Variants in MTO1 observed in about 807,000 individuals in gnomAD.
MTO1 encodes 5-taurinomethyluridine-[tRNA] synthase subunit MTO1, mitochondrial.
In MTO1, 46 loss-of-function variants were observed where a neutral mutation model predicts 71.6. The ratio of observed to expected loss-of-function variants is 0.64; its 90% CI spans 0.51 to 0.82. MTO1 has a LOEUF of 0.82. MTO1 is among the 40% of genes least tolerant of loss of function. MTO1 has a pLI of 0.00. For synonymous variants in MTO1, 297 were observed against 312.1 expected (o/e 0.95, Z 0.51); for missense variants, 773 against 867.5 (o/e 0.89, Z 1.37).
In MTO1 at chr6:73,466,209, G is replaced by C. The variant is rs1402177868; in HGVS notation, c.218G>C (p.Gly73Ala). ...TTTTGTTTATGTCTATTATCTTTAG[G>C]TCAGATGTCATGTAATCCTTCCTTT... ...LLLTHRVDTI[G>A]QMSCNPSFGG... The change falls in exon 2 of 12, where the codon GGT (glycine) becomes GCT (alanine). Residue 73 changes from glycine to alanine, a missense_variant and splice_region_variant. Physicochemically the swap from Gly to Ala is moderately conservative, Grantham distance 60. Coordinates refer to ENST00000498286, the MANE Select transcript of MTO1 (RefSeq NM_012123.4). 1 of 1,610,196 alleles carries C rather than the reference G, an allele frequency of 6.2e-7. No individual in the cohort carries two copies. Among genetic ancestry groups the C allele is most frequent in the Non-Finnish European group, 8.5e-7 (1 of 1,176,632 alleles).
At chr6:73,463,283 G>A (rs954080517) in intron 1 of MTO1, among the ~76,000 whole-genome samples, 1 of 151,516 alleles carries the variant, frequency 6.6e-6, no homozygotes, top group African/African-American at 2.4e-5. Flanking sequence ...CGCCCGCCTC[G>A]GCCTCCCAAA....
chr6:73,471,160 T>TA (rs201183644), intron 3 of MTO1, among the ~76,000 whole-genome samples: 103 of 147,926 alleles, frequency 7.0e-4, no homozygotes, highest in African/African-American at 1.7e-3. Context: ...TACCTTTTTT[T>TA]AAAAAAAAAA....
chr6:73,496,683 A>G (rs1771986378), intron 10 of MTO1, among the ~76,000 whole-genome samples: 1 of 126,492 alleles, frequency 7.9e-6, no homozygotes, highest in South Asian at 2.6e-4. Context: ...TCCTGTGTCC[A>G]TGTGTTCTCA....
At position 73,508,842 on chromosome 6, in the gene MTO1, G is replaced by A. The variant is rs1772352860; in HGVS notation, c.*8107G>A. The A allele has an allele frequency of 6.6e-6, 1 of 152,204 alleles. No homozygotes were observed. The highest frequency in any genetic ancestry group is 2.1e-4 in the South Asian group (1 of 4,834). 9.4% of individuals were successfully genotyped at this position (152,204 alleles called of 1,614,324 possible). On this transcript the variant is annotated 3_prime_UTR_variant, in exon 12 of 12. Coordinates refer to ENST00000498286, the MANE Select transcript of MTO1 (RefSeq NM_012123.4). Reference sequence around the variant, plus strand: ...GGAAGTCCAAAGAGTCAATCAAGAAGGTATGATAATGGCTAAAGATGGGGA... The same window carrying A: ...GGAAGTCCAAAGAGTCAATCAAGAAAGTATGATAATGGCTAAAGATGGGGA...
At chr6:73,462,814 G>C (rs1208306097) in intron 1 of MTO1, among the ~76,000 whole-genome samples, 1 of 151,982 alleles carries the variant, frequency 6.6e-6, no homozygotes, top group Non-Finnish European at 1.5e-5. Flanking sequence ...TTAGAGACAG[G>C]GTCTCGCCAT....
chr6:73,500,765 C>T lies in MTO1; in HGVS notation c.*30C>T. ...CAATTCATAAAAGATTTTTAAAGAGCATATAAATAATTTGATCAATACAAC... is the reference window on the plus strand; with the variant it reads ...CAATTCATAAAAGATTTTTAAAGAGTATATAAATAATTTGATCAATACAAC... On this transcript the variant is annotated 3_prime_UTR_variant, in exon 12 of 12. Transcript: ENST00000498286. 1 of 1,510,456 alleles carries T rather than the reference C, an allele frequency of 6.6e-7. No homozygotes were observed. Among genetic ancestry groups the T allele is most frequent in the Middle Eastern group, 1.8e-4 (1 of 5,714 alleles). The allele number at this position is 1,510,456 out of a possible 1,614,324, so 93.6% of individuals were successfully genotyped here.
chr6:73,467,845 C>T (rs562652132), intron 3 of MTO1, among the ~76,000 whole-genome samples: 25 of 151,954 alleles, frequency 1.6e-4, no homozygotes, highest in East Asian at 7.8e-4. Context: ...GTTTTTGAGA[C>T]GGAGTCTCAC....
At chr6:73,493,755 A>G (rs1371172056) in intron 10 of MTO1, among the ~76,000 whole-genome samples, 1 of 151,814 alleles carries the variant, frequency 6.6e-6, no homozygotes, top group Non-Finnish European at 1.5e-5. Context: ...TCCCCACCTA[A>G]TGTTTTAATA....
intron 3 of MTO1, among the ~76,000 whole-genome samples, chr6:73,469,935 G>T (rs1771101589): frequency 6.6e-6 from 1 of 151,976 alleles, no homozygotes; most frequent in Admixed American, 6.6e-5. Flanking sequence ...AACCCTGGAG[G>T]TGCGGGTTGT....
rs779445753 is a variant in MTO1, at chr6:73,497,890, A to C, written c.1911A>C (p.Pro637=). The change falls in exon 11 of 12, where the codon CCA becomes CCC. Residue 637 remains proline (P), a synonymous_variant. Coordinates refer to ENST00000498286, the MANE Select transcript of MTO1 (RefSeq NM_012123.4). ...GAGAGAAACTACATTTTAGTCGTCC[A>C]CAGACGGTAAGAAAATAGGCAGGAG... ...EVREKLHFSR[P]QTIGAASRIP... 16 of 1,607,988 alleles carry C rather than the reference A, an allele frequency of 1.0e-5. No homozygotes were observed. In the Admixed American group the frequency reaches 2.7e-4, roughly 27 times the overall value.
chr6:73,499,152 AAAAC>A (rs1772084433), intron 11 of MTO1, among the ~76,000 whole-genome samples: 1 of 152,178 alleles, frequency 6.6e-6, no homozygotes, highest in Non-Finnish European at 1.5e-5. Context: ...AAATTTGAAA[AAAAC>A]TATTTTTACA....
intron 3 of MTO1, chr6:73,471,344 C>T (rs1582675508): frequency 1.4e-5 from 5 of 363,932 alleles, no homozygotes; most frequent in East Asian, 1.1e-4. Flanking sequence ...TTTTCTCCCC[C>T]GACTTTCTTT....
chr6:73,486,730 C>CG, intron 9 of MTO1: 13 of 260,596 alleles, frequency 5.0e-5, no homozygotes, highest in East Asian at 1.3e-4. Context: ...AAGAGTGAGA[C>CG]TTCTCTCAAA....
Position 73,500,891 on chromosome 6 carries a change from C to A in MTO1, c.*156C>A. 1 of 575,956 alleles carries A rather than the reference C, an allele frequency of 1.7e-6. No individual in the cohort carries two copies. Among genetic ancestry groups the A allele is most frequent in the Non-Finnish European group, 2.6e-6 (1 of 378,202 alleles). 35.7% of individuals were successfully genotyped at this position (575,956 alleles called of 1,614,324 possible). The stretch of plus-strand genomic sequence containing the variant: ...GAGTGGGACAGAAATTATAATTGTG[C>A]TTTTTCGTGTATATGAAAAAACTAG... On this transcript the variant is annotated 3_prime_UTR_variant, in exon 12 of 12. Coordinates refer to ENST00000498286, the MANE Select transcript of MTO1 (RefSeq NM_012123.4).
chr6:73,477,835 GGT>G (rs1771371732), intron 4 of MTO1, among the ~76,000 whole-genome samples: 1 of 151,874 alleles, frequency 6.6e-6, no homozygotes, highest in Admixed American at 6.6e-5. Context: ...CCCAATCAAG[GGT>G]CATGCATTGC....
intron 10 of MTO1, chr6:73,492,600 G>T: frequency 3.0e-6 from 1 of 337,542 alleles, no homozygotes; most frequent in Admixed American, 4.0e-5. Flanking sequence ...TCTTGAGCCT[G>T]GGCATTCCGG....
At chr6:73,467,276 T>A (rs1010728252) in intron 3 of MTO1, among the ~76,000 whole-genome samples, 1 of 152,028 alleles carries the variant, frequency 6.6e-6, no homozygotes, top group Admixed American at 6.6e-5. Context: ...ATTATGCCAC[T>A]GCACTCCAGC....
chr6:73,480,537 T>G (rs2150036186), intron 6 of MTO1, 138 bp from the exon 7 acceptor site: 85 of 1,097,388 alleles, frequency 7.7e-5, no homozygotes, highest in Non-Finnish European at 1.0e-4. Context: ...CCCAAAGTGC[T>G]GAGATTACAG....
At chr6:73,495,972 G>C (rs1771967032) in intron 10 of MTO1, among the ~76,000 whole-genome samples, 1 of 152,160 alleles carries the variant, frequency 6.6e-6, no homozygotes, top group African/African-American at 2.4e-5. Flanking sequence ...TCACACAGTT[G>C]GTGAGTGGCA....
Sources: allele counts gnomAD v4.1 joint callset (sites outside exome capture counted in the v4.1 genomes callset), GRCh38; gene constraint gnomAD v4.1.1; transcripts MANE v1.5; gene names NCBI Gene and HGNC (gene_info 2026-07-23, HGNC 2026-07-21).